QRICH1: variants seen among roughly 807,000 people sequenced by gnomAD.
QRICH1 encodes transcriptional regulator QRICH1.
A neutral mutation model predicts 87.1 loss-of-function variants in QRICH1; 16 were observed. The ratio of observed to expected loss-of-function variants is 0.18; its 90% CI spans 0.12 to 0.28. QRICH1 has a LOEUF of 0.28. Ranked by LOEUF, QRICH1 falls within the 10% of genes least tolerant of loss-of-function variation. The pLI is 1.00. For synonymous variants in QRICH1, 367 were observed against 368.4 expected, an observed-to-expected ratio of 1.00 and a Z score of 0.05; for missense variants, 647 against 951.7, an observed-to-expected ratio of 0.68 and a Z score of 4.21.
intron 1 of QRICH1, among the ~76,000 whole-genome samples, chr3:49,088,649 A>C (rs1192349934): frequency 1.4e-5 from 2 of 141,908 alleles, no homozygotes; most frequent in African/African-American, 5.3e-5. Flanking sequence ...TTAATGAGAC[A>C]AGGTCTTGCT....
chr3:49,057,516 T>C lies in QRICH1; in HGVS notation c.684A>G (p.Ser228=). 6.2e-7 allele frequency: 1 copy of C among 1,613,352 alleles called. No homozygotes were observed. The highest frequency in any genetic ancestry group is 8.5e-7 in the Non-Finnish European group (1 of 1,179,554). ...ALSPPPSQQG[S]PREGERRVGT... is the part of the protein sequence containing the mutation. ...CAACCCGCCGCTCCCCTTCCCGGGG[T>C]GAGCCCTGCTGGGATGGTGGTGGGG... Residue 228 remains serine, a synonymous_variant, in exon 3 of 10, where the codon TCA becomes TCG. Transcript: ENST00000395443. This position sits in a 1 kb window ranked among gnomAD's most constrained non-coding sequence, Gnocchi z 5.4.
chr3:49,065,938 C>T (rs1385580989), intron 2 of QRICH1, among the ~76,000 whole-genome samples: 2 of 152,146 alleles, frequency 1.3e-5, no homozygotes, highest in Non-Finnish European at 2.9e-5. Flanking sequence ...CTGCCTTGGC[C>T]TCCCAAAGTG....
intron 2 of QRICH1, among the ~76,000 whole-genome samples, chr3:49,067,991 A>T (rs1413815123): frequency 6.6e-6 from 1 of 152,060 alleles, no homozygotes; most frequent in Admixed American, 6.6e-5. Context: ...AAAACAACCC[A>T]CAATTCTTTC....
intron 1 of QRICH1, among the ~76,000 whole-genome samples, chr3:49,084,203 T>C (rs2042125336): frequency 6.6e-6 from 1 of 151,706 alleles, no homozygotes; most frequent in South Asian, 2.1e-4. Flanking sequence ...GCTTCCACCT[T>C]CCAAAGTGCT....
chr3:49,085,758 C>CAA (rs1160204334), intron 1 of QRICH1, among the ~76,000 whole-genome samples: 3 of 78,330 alleles, frequency 3.8e-5, no homozygotes, highest in Admixed American at 2.9e-4. Context: ...AACTCCATCT[C>CAA]AAAAAAAAAA....
intron 1 of QRICH1, among the ~76,000 whole-genome samples, chr3:49,085,770 A>AC (rs2042156727): frequency 1.3e-5 from 2 of 151,888 alleles, no homozygotes; most frequent in Admixed American, 1.3e-4. Flanking sequence ...AAAAAAAAAA[A>AC]AAGAAAAAGA....
chr3:49,057,674 C>T lies in QRICH1; in HGVS notation c.526G>A (p.Ala176Thr). 6.2e-7 allele frequency: 1 copy of T among 1,614,206 alleles called. No individual in the cohort carries two copies. Among genetic ancestry groups the T allele is most frequent in the Non-Finnish European group, 8.5e-7 (1 of 1,180,036 alleles). ...AAQIQVQHVQ[A>T]AQQIQAAEIP... ...TCTGCAGCCTGGATCTGCTGGGCTG[C>T]TTGCACGTGCTGCACCTGGATCTGA... The change falls in exon 3 of 10, where the codon GCA (alanine) becomes ACA (threonine). Residue 176 changes from alanine (A) to threonine (T), a missense_variant. This residue lies in a region of QRICH1 where 156 missense variants were observed against 164.5 expected (regional missense o/e 0.95). Transcript: ENST00000395443. This position sits in a 1 kb window ranked among gnomAD's most constrained non-coding sequence, Gnocchi z 5.4.
chr3:49,081,730 G>T (rs2042064450), intron 1 of QRICH1, among the ~76,000 whole-genome samples: 1 of 152,054 alleles, frequency 6.6e-6, no homozygotes, highest in Non-Finnish European at 1.5e-5. Context: ...CAAACTCCTG[G>T]GCTCAAGAGA....
rs188273508 is a variant in QRICH1 at position 49,071,166 on chromosome 3, G to A, written c.309+5543C>T. ...TGCAAGCTCCACCTCCCGGGTTCAC[G>A]TCATTCTCCTGCCTCAGCCTCCCGA... On this transcript the variant is annotated intron_variant, in intron 2 of 9. Transcript: ENST00000395443. Among the ~76,000 whole-genome samples, 1,075 of 151,806 alleles carry A rather than the reference G, an allele frequency of 7.1e-3. 16 individuals carry two copies. The highest frequency in any genetic ancestry group is 0.024 in the African/African-American group (1,008 of 41,358).
intron 6 of QRICH1, among the ~76,000 whole-genome samples, chr3:49,043,934 G>C (rs2093325448): frequency 6.6e-6 from 1 of 152,218 alleles, no homozygotes; most frequent in South Asian, 2.1e-4. Context: ...GAGTTCAGGA[G>C]TTTGAGGCCC....
At chr3:49,048,469 G>T (rs1430365134) in intron 3 of QRICH1, among the ~76,000 whole-genome samples, 2 of 146,136 alleles carry the variant, frequency 1.4e-5, no homozygotes, top group Admixed American at 6.8e-5. Context: ...AAATCATCTG[G>T]ATTGCTTTAA....
At chr3:49,043,506 A>AAC (rs2093322580) in intron 6 of QRICH1, among the ~76,000 whole-genome samples, 1 of 109,818 alleles carries the variant, frequency 9.1e-6, no homozygotes, top group Non-Finnish European at 1.8e-5. Context: ...CAAAAAAAAA[A>AAC]AAAAAAAAAA....
chr3:49,049,675 T>C (rs2093358875), intron 3 of QRICH1, among the ~76,000 whole-genome samples: 1 of 151,552 alleles, frequency 6.6e-6, no homozygotes, highest in Admixed American at 6.6e-5. Context: ...TTTTTGTATT[T>C]TTAGTAGAGA....
intron 6 of QRICH1, among the ~76,000 whole-genome samples, chr3:49,040,716 T>C (rs1467944337): frequency 6.6e-6 from 1 of 152,156 alleles, no homozygotes; most frequent in Admixed American, 6.6e-5. Flanking sequence ...GAACACAAGT[T>C]TTAAACTTCT....
intron 1 of QRICH1, among the ~76,000 whole-genome samples, chr3:49,082,643 C>T (rs991522084): frequency 2.6e-5 from 4 of 151,978 alleles, no homozygotes; most frequent in Non-Finnish European, 4.4e-5. Context: ...CGCCTGTAAT[C>T]CCAGCACTTT....
At chr3:49,051,598 C>T (rs904042921) in intron 3 of QRICH1, among the ~76,000 whole-genome samples, 3 of 136,664 alleles carry the variant, frequency 2.2e-5, no homozygotes, top group African/African-American at 5.4e-5. Flanking sequence ...CCCCCCCCCT[C>T]CGCTTAATAT....
chr3:49,083,932 G>T (rs927791554), intron 1 of QRICH1, among the ~76,000 whole-genome samples: 2 of 151,856 alleles, frequency 1.3e-5, no homozygotes, highest in African/African-American at 4.8e-5. Flanking sequence ...CTCCCGAGTA[G>T]CTAGGATTAC....
At chr3:49,073,971 C>T (rs1382051955) in intron 2 of QRICH1, among the ~76,000 whole-genome samples, 2 of 151,666 alleles carry the variant, frequency 1.3e-5, no homozygotes, top group South Asian at 2.1e-4. Context: ...TTTGTAGAGA[C>T]GGGGTTTTGC....
chr3:49,090,044 G>C (rs1437122123), intron 1 of QRICH1, among the ~76,000 whole-genome samples: 3 of 152,248 alleles, frequency 2.0e-5, no homozygotes, highest in African/African-American at 7.2e-5. Flanking sequence ...GGCGGGCGCA[G>C]TGGCTCACGC....
Sources: gnomAD v4.1 joint callset for allele counts (sites outside exome capture counted in the v4.1 genomes callset) on GRCh38, gnomAD v4.1.1 for gene constraint, gnomAD v4.1.1 regional missense constraint, Gnocchi (gnomAD v3.1) non-coding constraint, MANE v1.5 for transcripts, NCBI Gene and HGNC (gene_info 2026-07-23, HGNC 2026-07-21) for gene names.